Variants in ERRFI1 observed in about 807,000 individuals in gnomAD.
ERRFI1 encodes the protein mitogen-inducible gene 6 protein.
A neutral mutation model predicts 14.6 loss-of-function variants in ERRFI1; 12 were observed. The ratio of observed to expected loss-of-function variants is 0.82; its 90% CI spans 0.53 to 1.33. The LOEUF (loss-of-function observed/expected upper bound fraction) is 1.33, where lower values mean the gene tolerates loss of function less well. ERRFI1 is among the 40% of genes most tolerant of loss of function. The probability of loss-of-function intolerance (pLI) is 0.00; values close to 1 mark genes in which losing one functional copy is unlikely to be tolerated. For missense variants in ERRFI1, 482 were observed against 572.1 expected (o/e 0.84, Z 1.61); for synonymous variants, 202 against 209.9 (o/e 0.96, Z 0.32).
intron 3 of ERRFI1, 180 bp downstream of exon 3, chr1:8,015,128 G>A (rs1460534804): frequency 8.4e-6 from 5 of 593,484 alleles, no homozygotes; most frequent in Middle Eastern, 4.1e-4. Context: ...GAAGGCAGTC[G>A]AGTACAATAG....
In ERRFI1 at chr1:8,012,904, A is replaced by C. The variant is rs1330083696; in HGVS notation, c.*306T>G. The C allele has an allele frequency of 5.7e-6, 2 of 352,904 alleles. No homozygotes were observed. Among genetic ancestry groups the C allele is most frequent in the Non-Finnish European group, 1.0e-5 (2 of 194,886 alleles). 21.9% of individuals were successfully genotyped at this position (352,904 alleles called of 1,614,324 possible). A position where few individuals can be genotyped will look rare whatever the true frequency, so the allele number is the denominator to read the frequency against. On this transcript the variant is annotated 3_prime_UTR_variant, in exon 4 of 4. Transcript: ENST00000377482. ...ATTGGTTAACCTGCAGCTATGGTCT[A>C]TGGTTATACCACAAGTTTATATATA... is the stretch of plus-strand genomic sequence containing the variant.
intron 1 of ERRFI1, among the ~76,000 whole-genome samples, chr1:8,016,031 T>C (rs1285186382): frequency 6.6e-6 from 1 of 152,166 alleles, no homozygotes; most frequent in East Asian, 1.9e-4. Flanking sequence ...CCCTGACTTA[T>C]TAAACCAGCC....
Position 8,013,402 on chromosome 1 carries a change from T to C in ERRFI1, c.1197A>G (p.Glu399=), listed in dbSNP as rs2124055131. 3 of 1,614,204 alleles carry C rather than the reference T, an allele frequency of 1.9e-6. No individual in the cohort carries two copies. Among genetic ancestry groups the C allele is most frequent in the Non-Finnish European group, 2.5e-6 (3 of 1,180,034 alleles). ...VSSTHYYLLP[E]RPPYLDKYEK... Reference sequence around the variant, plus strand: ...CATATTTGTCCAGGTATGGTGGTCGTTCAGGTAGTAGGTAATAATGTGTTG... The same window carrying C: ...CATATTTGTCCAGGTATGGTGGTCGCTCAGGTAGTAGGTAATAATGTGTTG... Residue 399 remains glutamate, a synonymous_variant, in exon 4 of 4, where the codon GAA becomes GAG. Coordinates refer to ENST00000377482, the MANE Select transcript of ERRFI1 (RefSeq NM_018948.4). This position sits in a 1 kb window ranked among gnomAD's most constrained non-coding sequence, Gnocchi z 4.3.
chr1:8,015,136 T>C (rs757493790), intron 3 of ERRFI1, 172 bp downstream of exon 3: 7 of 611,980 alleles, frequency 1.1e-5, no homozygotes, highest in African/African-American at 3.7e-5. Context: ...TCGAGTACAA[T>C]AGCTTGAGAA....
chr1:8,018,385 G>C (rs1228566126), intron 1 of ERRFI1, among the ~76,000 whole-genome samples: 1 of 115,022 alleles, frequency 8.7e-6, no homozygotes, highest in Non-Finnish European at 1.7e-5. Flanking sequence ...GGGGGGGGGG[G>C]GGCGCGGAGT....
chr1:8,019,446 G>A (rs889408049), intron 1 of ERRFI1, among the ~76,000 whole-genome samples: 1 of 152,128 alleles, frequency 6.6e-6, no homozygotes, highest in Non-Finnish European at 1.5e-5. Flanking sequence ...CTCTGTTCTT[G>A]TGTTATTTTG....
chr1:8,025,712 G>C (rs1641336404), intron 1 of ERRFI1, among the ~76,000 whole-genome samples: 1 of 152,146 alleles, frequency 6.6e-6, no homozygotes, highest in Non-Finnish European at 1.5e-5. Flanking sequence ...ATCCCCGCCG[G>C]GCAACCCCGC....
Position 8,013,173 on chromosome 1 carries a change from C to T in ERRFI1, c.*37G>A. On this transcript the variant is annotated 3_prime_UTR_variant, in exon 4 of 4. Coordinates refer to ENST00000377482, the MANE Select transcript of ERRFI1 (RefSeq NM_018948.4). The surrounding 1 kb of genome is among the most constrained non-coding windows in gnomAD (Gnocchi z 4.3). ...AAACTGGAAAATTGAGAACCATTTG[C>T]TCCTATGTAACCTCTGCTGAACCAT... is the stretch of plus-strand genomic sequence containing the variant. 6.6e-7 allele frequency: 1 copy of T among 1,517,778 alleles called. No individual in the cohort carries two copies. Among genetic ancestry groups the T allele is most frequent in the South Asian group, 1.3e-5 (1 of 78,086 alleles). 94.0% of individuals were successfully genotyped at this position (1,517,778 alleles called of 1,614,324 possible).
In ERRFI1 at chr1:8,012,716, A is replaced by G. The variant is rs1276028666; in HGVS notation, c.*494T>C. 4.3e-6 allele frequency: 1 copy of G among 231,042 alleles called. No homozygotes were observed. Among genetic ancestry groups the G allele is most frequent in the Non-Finnish European group, 8.6e-6 (1 of 116,846 alleles). 14.3% of individuals were successfully genotyped at this position (231,042 alleles called of 1,614,324 possible). A position where few individuals can be genotyped will look rare whatever the true frequency, so the allele number is the denominator to read the frequency against. Reference sequence around the variant, plus strand: ...ATGGAACAAAATAGAAAAGGCCTAAAAGCCAGAAATCTTCAAACTTACTAA... The same window carrying G: ...ATGGAACAAAATAGAAAAGGCCTAAGAGCCAGAAATCTTCAAACTTACTAA... On this transcript the variant is annotated 3_prime_UTR_variant, in exon 4 of 4. Transcript: ENST00000377482.
rs1641138605 is a variant in ERRFI1 at position 8,014,263 on chromosome 1, T to A, written c.336A>T (p.Val112=). The A allele has an allele frequency of 2.5e-6, 4 of 1,614,132 alleles. No individual in the cohort carries two copies. The highest frequency in any genetic ancestry group is 3.4e-6 in the Non-Finnish European group (4 of 1,180,026). ...NLGPHEEDQV[V]CGFKKLTVNG... ...TCACTGTGAGTTTCTTAAAACCACA[T>A]ACAACTTGATCCTCTTCATGTGGTC... The change falls in exon 4 of 4, where the codon GTA becomes GTT. Residue 112 remains valine, a synonymous_variant. Transcript: ENST00000377482.
In ERRFI1 at chr1:8,014,030, T is replaced by C. The variant is rs371739260; in HGVS notation, c.569A>G (p.Asp190Gly). Reference protein sequence around the residue: ...DFLLEDSTLSDFKYDVPGRRS... With the variant: ...DFLLEDSTLSGFKYDVPGRRS... ...CCTGCCAGGAACATCATATTTGAAA[T>C]CAGAAAGTGTAGAGTCTTCTAAAAG... Residue 190 changes from aspartate (D) to glycine (G), a missense_variant, in exon 4 of 4, where the codon GAT (aspartate) becomes GGT (glycine). Physicochemically the swap from Asp to Gly is moderately conservative, Grantham distance 94. Coordinates refer to ENST00000377482, the MANE Select transcript of ERRFI1 (RefSeq NM_018948.4). 57 of 1,614,032 alleles carry C rather than the reference T, an allele frequency of 3.5e-5. No homozygotes were observed. The highest frequency in any genetic ancestry group is 4.7e-5 in the Non-Finnish European group (55 of 1,180,042).
intron 1 of ERRFI1, among the ~76,000 whole-genome samples, chr1:8,017,955 TATTC>T (rs966994408): frequency 2.0e-5 from 3 of 152,236 alleles, no homozygotes; most frequent in African/African-American, 7.2e-5. Context: ...AGTTATTTTT[TATTC>T]ATTGTTTCCA....
Position 8,014,551 on chromosome 1 carries a change from G to C in ERRFI1, c.203-155C>G. On this transcript the variant is annotated intron_variant, in intron 3 of 3. Coordinates refer to ENST00000377482, the MANE Select transcript of ERRFI1 (RefSeq NM_018948.4). ...CGAGAACACCCATGCAACCACCACA[G>C]GTGTAATTAGAGAGCAGAAGATTCT... 4.6e-6 allele frequency: 3 copies of C among 647,536 alleles called. No individual in the cohort carries two copies. In the South Asian group the frequency reaches 6.2e-5, roughly 13 times the overall value. The allele number at this position is 647,536 out of a possible 1,614,324, so 40.1% of individuals were successfully genotyped here.
At position 8,013,318 on chromosome 1, in the gene ERRFI1, A is replaced by T. The variant is rs1641114340; in HGVS notation, c.1281T>A (p.Pro427=). 1.2e-6 allele frequency: 2 copies of T among 1,614,122 alleles called. No individual in the cohort carries two copies. The highest frequency in any genetic ancestry group is 2.2e-5 in the South Asian group (2 of 91,082). ...TGGCTGAAGATATACCGCAGTCAGC[A>T]GGTAATGGCTGGATTTGGGCGCCTC... is the stretch of plus-strand genomic sequence containing the variant. ...TNGGAQIQPL[P]ADCGISSATE... The change falls in exon 4 of 4, where the codon CCT becomes CCA. Residue 427 remains proline (P), a synonymous_variant. Transcript: ENST00000377482. This position sits in a 1 kb window ranked among gnomAD's most constrained non-coding sequence, Gnocchi z 4.3.
At chr1:8,015,205 T>A in intron 3 of ERRFI1, 103 bp downstream of exon 3, 1 of 1,009,322 alleles carries the variant, frequency 9.9e-7, no homozygotes. Flanking sequence ...TTGGAAATAG[T>A]TCAGGTTTCC....
chr1:8,017,946 G>C (rs1266714353), intron 1 of ERRFI1, among the ~76,000 whole-genome samples: 1 of 152,070 alleles, frequency 6.6e-6, no homozygotes, highest in African/African-American at 2.4e-5. Context: ...TCTAGAAAAA[G>C]TTATTTTTTA....
At chr1:8,023,950 T>C (rs1251902232) in intron 1 of ERRFI1, among the ~76,000 whole-genome samples, 1 of 152,220 alleles carries the variant, frequency 6.6e-6, no homozygotes, top group Admixed American at 6.5e-5. Flanking sequence ...TGTATCCAAA[T>C]GGATCCAGAT....
rs1404100307 is a variant in ERRFI1 at position 8,015,549 on chromosome 1, C to T, written c.71G>A (p.Arg24Gln). ...PLKTGFLHNGRAMGNMRKTYW... is the reference protein window; with the variant it reads ...PLKTGFLHNGQAMGNMRKTYW... ...GGTCTTCCTCATATTCCCCATGGCT[C>T]GGCCATTATGTAGAAATCCAGTTTT... The change falls in exon 2 of 4, where the codon CGA (arginine) becomes CAA (glutamine). Residue 24 changes from arginine to glutamine, a missense_variant. Transcript: ENST00000377482. 9 of 1,614,104 alleles carry T rather than the reference C, an allele frequency of 5.6e-6. No homozygotes were observed. Among genetic ancestry groups the T allele is most frequent in the Middle Eastern group, 3.3e-4 (2 of 6,062 alleles).
intron 1 of ERRFI1, among the ~76,000 whole-genome samples, chr1:8,016,334 C>G (rs1641173418): frequency 6.6e-6 from 1 of 152,082 alleles, no homozygotes; most frequent in Non-Finnish European, 1.5e-5. Context: ...TTCCATTATC[C>G]TGTAAAAATC....
Sources: allele counts gnomAD v4.1 joint callset (sites outside exome capture counted in the v4.1 genomes callset), GRCh38; gene constraint gnomAD v4.1.1; non-coding constraint Gnocchi (gnomAD v3.1); transcripts MANE v1.5; gene names NCBI Gene and HGNC (gene_info 2026-07-23, HGNC 2026-07-21).